FCHSD2: variants seen among roughly 807,000 people sequenced by gnomAD.
The protein encoded by FCHSD2 is F-BAR and double SH3 domains protein 2.
Under a neutral mutation model 108.1 loss-of-function variants are expected in FCHSD2, and 38 were observed. The observed-to-expected ratio is 0.35, with a 90% CI of 0.27 to 0.46. FCHSD2 has a LOEUF of 0.46. FCHSD2 is among the 20% of genes least tolerant of loss of function. The probability of loss-of-function intolerance (pLI) is 1.00; values close to 1 mark genes in which losing one functional copy is unlikely to be tolerated. For synonymous variants in FCHSD2, 279 were observed against 314.7 expected (o/e 0.89, Z 1.20); for missense variants, 751 against 897.8 (o/e 0.84, Z 2.09).
At chr11:73,141,444 C>T (rs1442678866) in intron 1 of FCHSD2, 2 of 192,004 alleles carry the variant, frequency 1.0e-5, no homozygotes, top group Non-Finnish European at 2.1e-5. Flanking sequence ...GCGGGGCTGG[C>T]GACAAGCGGC....
rs190769348 is a variant in FCHSD2 at position 73,014,886 on chromosome 11, C to G, written c.242+923G>C. 8.2e-3 allele frequency among the ~76,000 whole-genome samples: 1,241 copies of G among 152,150 alleles called. 29 individuals are homozygous for G. The highest frequency in any genetic ancestry group is 6.8e-3 in the South Asian group (33 of 4,820). On this transcript the variant is annotated intron_variant, in intron 4 of 19. Transcript: ENST00000409418. ...TGAGCTGGAGTCTCACTCTGTCGCCCAGGCTGGAGTGCAGTGACATGATTT... is the reference window on the plus strand; with the variant it reads ...TGAGCTGGAGTCTCACTCTGTCGCCGAGGCTGGAGTGCAGTGACATGATTT...
chr11:72,863,638 A>G (rs919162800), intron 13 of FCHSD2, among the ~76,000 whole-genome samples: 1 of 152,228 alleles, frequency 6.6e-6, no homozygotes, highest in Non-Finnish European at 1.5e-5. Context: ...AACTCTTAAA[A>G]TGCAATAAAA....
intron 13 of FCHSD2, among the ~76,000 whole-genome samples, chr11:72,866,957 C>T (rs1489853922): frequency 6.6e-6 from 1 of 152,190 alleles, no homozygotes; most frequent in Non-Finnish European, 1.5e-5. Flanking sequence ...CTCACCCATC[C>T]AACCATTCAC....
rs139157139 is a variant in FCHSD2 at position 73,031,080 on chromosome 11, G to A, written c.166-15195C>T. On this transcript the variant is annotated intron_variant, in intron 3 of 19. Transcript: ENST00000409418. The stretch of plus-strand genomic sequence containing the variant: ...GTCACAACATGTATGAATCTGGATG[G>A]GTTCATCCAGAATATGTTAAGTGAA... Among the ~76,000 whole-genome samples the A allele has an allele frequency of 9.6e-3, 1,458 of 152,080 alleles. 27 individuals are homozygous for A. Among genetic ancestry groups the A allele is most frequent in the African/African-American group, 0.033 (1,373 of 41,444 alleles).
intron 9 of FCHSD2, among the ~76,000 whole-genome samples, chr11:72,910,827 TAAA>T (rs34549479): frequency 6.9e-5 from 8 of 116,606 alleles, no homozygotes; most frequent in Admixed American, 1.8e-4. Context: ...CAATAAATAC[TAAA>T]AAAAAAAAAA....
chr11:72,899,943 G>A (rs1267975475), intron 10 of FCHSD2, among the ~76,000 whole-genome samples: 2 of 152,020 alleles, frequency 1.3e-5, no homozygotes, highest in African/African-American at 2.4e-5. Flanking sequence ...TTTACCGTAT[G>A]ACTCTGGACA....
chr11:72,938,180 T>G (rs1591415574), intron 8 of FCHSD2, among the ~76,000 whole-genome samples: 2 of 1,672 alleles, frequency 1.2e-3, no homozygotes, highest in Non-Finnish European at 1.6e-3. Context: ...GAAGGAGTTT[T>G]TTTTTTTTTT....
At chr11:72,952,219 T>C (rs981088965) in intron 8 of FCHSD2, among the ~76,000 whole-genome samples, 2 of 152,184 alleles carry the variant, frequency 1.3e-5, no homozygotes, top group African/African-American at 4.8e-5. Flanking sequence ...CAGAAAGATA[T>C]ATATGGCCTA....
intron 3 of FCHSD2, among the ~76,000 whole-genome samples, chr11:73,034,059 TA>T (rs1309322924): frequency 1.3e-5 from 2 of 152,174 alleles, no homozygotes; most frequent in African/African-American, 4.8e-5. Flanking sequence ...TTTTTCTTTC[TA>T]AAGTTTTTCT....
At position 73,129,018 on chromosome 11, in the gene FCHSD2, T is replaced by A. The variant is rs955375015; in HGVS notation, c.119+11013A>T. 2.3e-4 allele frequency among the ~76,000 whole-genome samples: 35 copies of A among 152,044 alleles called. 1 individual carries two copies. The highest frequency in any genetic ancestry group is 8.0e-4 in the African/African-American group (33 of 41,414). ...TCCCCAGTAGCTGGGACTACAGGCA[T>A]GTGCCACCGTGCCTGGCTAATTTTT... On this transcript the variant is annotated intron_variant, in intron 2 of 19. Transcript: ENST00000409418.
At chr11:73,116,715 T>C (rs1051904418) in intron 2 of FCHSD2, among the ~76,000 whole-genome samples, 5 of 152,060 alleles carry the variant, frequency 3.3e-5, no homozygotes, top group Admixed American at 1.3e-4. Flanking sequence ...GCTTTTTATT[T>C]TTATTAGGGA....
intron 8 of FCHSD2, among the ~76,000 whole-genome samples, chr11:72,943,694 T>A (rs1445935316): frequency 6.6e-6 from 1 of 152,206 alleles, no homozygotes; most frequent in African/African-American, 2.4e-5. Flanking sequence ...GCTGTTTTGT[T>A]CACTGAGGCA....
intron 8 of FCHSD2, among the ~76,000 whole-genome samples, chr11:72,952,329 C>T (rs942226997): frequency 5.5e-5 from 8 of 144,980 alleles, no homozygotes; most frequent in African/African-American, 1.8e-4. Context: ...GTTTGACTAT[C>T]TTTTTTTTTT....
chr11:73,052,904 T>G (rs147593241), intron 3 of FCHSD2, among the ~76,000 whole-genome samples: 129 of 152,282 alleles, frequency 8.5e-4, no homozygotes, highest in African/African-American at 3.0e-3. Flanking sequence ...TGGAGAGCAG[T>G]GGTGTGGTGT....
chr11:72,879,086 G>T (rs921723801), intron 12 of FCHSD2, among the ~76,000 whole-genome samples: 1 of 152,058 alleles, frequency 6.6e-6, no homozygotes, highest in Non-Finnish European at 1.5e-5. Flanking sequence ...ACTCAAGCCT[G>T]TGCGACAGAG....
chr11:73,048,118 G>A (rs1212754395), intron 3 of FCHSD2, among the ~76,000 whole-genome samples: 1 of 151,984 alleles, frequency 6.6e-6, no homozygotes, highest in Non-Finnish European at 1.5e-5. Flanking sequence ...GAAAGTAATA[G>A]AAAAACTTGA....
intron 9 of FCHSD2, among the ~76,000 whole-genome samples, chr11:72,908,520 T>C (rs1855682114): frequency 6.6e-6 from 1 of 152,240 alleles, no homozygotes; most frequent in African/African-American, 2.4e-5. Flanking sequence ...GGGCTCCCTT[T>C]TCTCCACATC....
intron 2 of FCHSD2, among the ~76,000 whole-genome samples, chr11:73,117,915 GCTTAT>G (rs1157088967): frequency 1.3e-5 from 2 of 152,088 alleles, no homozygotes; most frequent in East Asian, 1.9e-4. Flanking sequence ...TCCAATATTT[GCTTAT>G]CTTTTTATGT....
At chr11:72,894,473 T>C (rs901746544) in intron 10 of FCHSD2, among the ~76,000 whole-genome samples, 4 of 152,168 alleles carry the variant, frequency 2.6e-5, no homozygotes, top group African/African-American at 7.2e-5. Flanking sequence ...CCAGGAGCTA[T>C]GATTGTGCCC....
Sources: gnomAD v4.1 joint callset for allele counts (sites outside exome capture counted in the v4.1 genomes callset) on GRCh38, gnomAD v4.1.1 for gene constraint, MANE v1.5 for transcripts, NCBI Gene and HGNC (gene_info 2026-07-23, HGNC 2026-07-21) for gene names.